NEGR1: variants seen among roughly 807,000 people sequenced by gnomAD.
The protein encoded by NEGR1 is IgLON family member 4.
In NEGR1, 10 loss-of-function variants were observed where a neutral mutation model predicts 40.9. That is an observed-to-expected ratio of 0.24 (90% CI 0.15 to 0.42). NEGR1 has a LOEUF of 0.42. Among genes scored for constraint, NEGR1 ranks in the 10% least tolerant of loss-of-function variants. The probability of loss-of-function intolerance (pLI) is 1.00; values close to 1 mark genes in which losing one functional copy is unlikely to be tolerated. For synonymous variants in NEGR1, 185 were observed against 166.8 expected (o/e 1.11, Z -0.84); for missense variants, 352 against 438.9 (o/e 0.80, Z 1.77).
intron 6 of NEGR1, among the ~76,000 whole-genome samples, chr1:71,437,216 G>A (rs532637545): frequency 1.8e-4 from 28 of 152,042 alleles, no homozygotes; most frequent in Non-Finnish European, 3.5e-4. Flanking sequence ...ATCCAGAATA[G>A]GCAACAATAT....
At chr1:71,836,434 A>G (rs953641010) in intron 2 of NEGR1, among the ~76,000 whole-genome samples, 1 of 146,222 alleles carries the variant, frequency 6.8e-6, no homozygotes, top group Non-Finnish European at 1.5e-5. Context: ...GGCTCAAAAA[A>G]AAAACAAAAA....
rs1646263652 is a variant in NEGR1 at position 71,404,238 on chromosome 1, T to C, written c.*3208A>G. On this transcript the variant is annotated 3_prime_UTR_variant, in exon 7 of 7. Coordinates refer to ENST00000357731, the MANE Select transcript of NEGR1 (RefSeq NM_173808.3). The stretch of plus-strand genomic sequence containing the variant: ...CTACTTTCTAGATATAGCTTAAATG[T>C]TATGATGAAGCATTAATTTTTCAGT... 1 of 151,998 alleles carries C rather than the reference T, an allele frequency of 6.6e-6. No individual in the cohort carries two copies. The highest frequency in any genetic ancestry group is 6.6e-5 in the Admixed American group (1 of 15,168). The allele number at this position is 151,998 out of a possible 1,614,324, so 9.4% of individuals were successfully genotyped here. A position where few individuals can be genotyped will look rare whatever the true frequency, so the allele number is the denominator to read the frequency against.
Position 71,656,407 on chromosome 1 carries a change from T to G in NEGR1, c.667+41601A>C, listed in dbSNP as rs552732984. On this transcript the variant is annotated intron_variant, in intron 4 of 6. Coordinates refer to ENST00000357731, the MANE Select transcript of NEGR1 (RefSeq NM_173808.3). ...TTTTACATTGTTTGTTTGTTTTTGT[T>G]TTTTGTTGTTGTTGTTGTTGTTTGA... Among the ~76,000 whole-genome samples, 3 of 152,226 alleles carry G rather than the reference T, an allele frequency of 2.0e-5. No homozygotes were observed. In the South Asian group the frequency reaches 6.2e-4, roughly 32 times the overall value.
At chr1:71,770,797 A>G (rs1656290399) in intron 3 of NEGR1, among the ~76,000 whole-genome samples, 1 of 152,240 alleles carries the variant, frequency 6.6e-6, no homozygotes, top group Non-Finnish European at 1.5e-5. Flanking sequence ...AAGTCAGGAA[A>G]CAACAAATGC....
intron 6 of NEGR1, among the ~76,000 whole-genome samples, chr1:71,456,537 C>T (rs1646673962): frequency 6.6e-6 from 1 of 152,148 alleles, no homozygotes; most frequent in Non-Finnish European, 1.5e-5. Flanking sequence ...CTGTAAGGGT[C>T]CTGACTATTT....
At chr1:72,127,875 G>T (rs577613128) in intron 1 of NEGR1, among the ~76,000 whole-genome samples, 135 of 152,022 alleles carry the variant, frequency 8.9e-4, no homozygotes, top group African/African-American at 2.9e-3. Flanking sequence ...GAAGACAGAA[G>T]TAAACATTAT....
chr1:72,003,660 C>T (rs1646577678), intron 1 of NEGR1, among the ~76,000 whole-genome samples: 1 of 152,028 alleles, frequency 6.6e-6, no homozygotes, highest in Admixed American at 6.6e-5. Flanking sequence ...AATAGACTTT[C>T]CTTATCATGT....
chr1:72,064,453 T>C (rs1452360179), intron 1 of NEGR1, among the ~76,000 whole-genome samples: 2 of 152,060 alleles, frequency 1.3e-5, no homozygotes, highest in Non-Finnish European at 2.9e-5. Flanking sequence ...AATATGTTGA[T>C]AGTGTCTGTG....
At chr1:71,778,883 T>C (rs1215594392) in intron 2 of NEGR1, among the ~76,000 whole-genome samples, 3 of 152,210 alleles carry the variant, frequency 2.0e-5, no homozygotes, top group African/African-American at 7.2e-5. Flanking sequence ...AGCACTAGTA[T>C]TTGGCTATAT....
rs1202143082 is a variant in NEGR1 at position 71,781,385 on chromosome 1, C to T, written c.410-5088G>A. Among the ~76,000 whole-genome samples, 6 of 152,232 alleles carry T rather than the reference C, an allele frequency of 3.9e-5. No individual in the cohort carries two copies. The East Asian group carries it at 5.8e-4, about 15-fold the overall frequency. On this transcript the variant is annotated intron_variant, in intron 2 of 6. Transcript: ENST00000357731. The stretch of plus-strand genomic sequence containing the variant: ...TGATATTAAAAACCCTTACAGGATG[C>T]GTCTGACAGTTATTTTAACTGTAAA...
intron 3 of NEGR1, among the ~76,000 whole-genome samples, chr1:71,719,105 G>C (rs1326298209): frequency 6.6e-6 from 1 of 152,112 alleles, no homozygotes; most frequent in African/African-American, 2.4e-5. Flanking sequence ...GAGTTCTACA[G>C]CACTTTATAT....
intron 1 of NEGR1, among the ~76,000 whole-genome samples, chr1:72,186,508 T>C (rs1387905945): frequency 6.6e-6 from 1 of 151,486 alleles, no homozygotes; most frequent in African/African-American, 2.4e-5. Flanking sequence ...CCAGATGATA[T>C]GGTACCAATG....
chr1:71,423,208 C>T (rs994385599), intron 6 of NEGR1, among the ~76,000 whole-genome samples: 12 of 151,794 alleles, frequency 7.9e-5, no homozygotes, highest in East Asian at 1.9e-4. Context: ...GGCAACAAAG[C>T]GAAAAATCCC....
At chr1:71,817,727 G>A (rs1384700062) in intron 2 of NEGR1, among the ~76,000 whole-genome samples, 1 of 152,010 alleles carries the variant, frequency 6.6e-6, no homozygotes, top group African/African-American at 2.4e-5. Context: ...AGGATGTAGT[G>A]ATAGAAACAG....
At chr1:72,281,124 A>G (rs1333606410) in intron 1 of NEGR1, among the ~76,000 whole-genome samples, 1 of 152,214 alleles carries the variant, frequency 6.6e-6, no homozygotes, top group Non-Finnish European at 1.5e-5. Context: ...AAACCACCTC[A>G]GAGCTCAAGC....
chr1:71,727,958 A>G (rs995162637), intron 3 of NEGR1, among the ~76,000 whole-genome samples: 3 of 152,176 alleles, frequency 2.0e-5, no homozygotes, highest in East Asian at 1.9e-4. Context: ...AAAGAGACAC[A>G]TTAGAAAGAG....
intron 1 of NEGR1, among the ~76,000 whole-genome samples, chr1:71,967,516 C>T (rs1646219884): frequency 6.6e-6 from 1 of 152,084 alleles, no homozygotes; most frequent in African/African-American, 2.4e-5. Flanking sequence ...AATATGAACA[C>T]ATTGAGTAAC....
intron 6 of NEGR1, among the ~76,000 whole-genome samples, chr1:71,521,034 ACT>A (rs1283620094): frequency 1.3e-5 from 2 of 151,954 alleles, no homozygotes; most frequent in Non-Finnish European, 2.9e-5. Flanking sequence ...GTGACTTGTC[ACT>A]CTAGGGAATC....
chr1:72,133,059 A>G (rs1650317801), intron 1 of NEGR1, among the ~76,000 whole-genome samples: 2 of 152,122 alleles, frequency 1.3e-5, no homozygotes, highest in South Asian at 4.1e-4. Flanking sequence ...CACTCCTTTA[A>G]AATGTGACAA....
Sources: gnomAD v4.1 joint callset for allele counts (sites outside exome capture counted in the v4.1 genomes callset) on GRCh38, gnomAD v4.1.1 for gene constraint, MANE v1.5 for transcripts, NCBI Gene and HGNC (gene_info 2026-07-23, HGNC 2026-07-21) for gene names.